PATJ: variants seen among roughly 807,000 people sequenced by gnomAD.
The protein encoded by PATJ is PATJ crumbs cell polarity complex component, also known as inaD-like protein.
A neutral mutation model predicts 224.9 loss-of-function variants in PATJ; 190 were observed. That is an observed-to-expected ratio of 0.84 (90% confidence interval 0.75 to 0.95). PATJ has a LOEUF of 0.95. Among genes scored for constraint, PATJ ranks in the 40% least tolerant of loss-of-function variants. The pLI is 0.00. For missense variants in PATJ, 2,121 were observed against 2,270.3 expected, an observed-to-expected ratio of 0.93 and a Z score of 1.34; for synonymous variants, 769 against 820.3, an observed-to-expected ratio of 0.94 and a Z score of 1.07.
intron 34 of PATJ, among the ~76,000 whole-genome samples, chr1:62,109,760 T>TTA (rs1663571873): frequency 6.6e-6 from 1 of 152,182 alleles, no homozygotes; most frequent in Admixed American, 6.5e-5. Flanking sequence ...AGTCCGCAAG[T>TTA]TATAATGGTC....
At position 61,884,287 on chromosome 1, in the gene PATJ, G is replaced by A. The variant is rs1668499207; in HGVS notation, c.3010G>A (p.Val1004Ile). Residue 1004 changes from valine (V) to isoleucine (I), a missense_variant, in exon 22 of 44, where the codon GTT becomes ATT. Val to Ile is a conservative substitution (Grantham distance 29). Transcript: ENST00000642238. ...QGPSLLIDLPVVAQRREQEDL... is the reference protein window; with the variant it reads ...QGPSLLIDLPIVAQRREQEDL... The stretch of plus-strand genomic sequence containing the variant: ...TCCTAGCTTGCTCATTGACCTTCCT[G>A]TTGTGGCTCAAAGGAGGGAGCAAGA... The A allele has an allele frequency of 6.2e-7, 1 of 1,613,388 alleles. No homozygotes were observed. Among genetic ancestry groups the A allele is most frequent in the African/African-American group, 1.3e-5 (1 of 74,840 alleles).
Position 61,994,097 on chromosome 1 carries a change from A to G in PATJ, c.3867+3733A>G, listed in dbSNP as rs190568434. On this transcript the variant is annotated intron_variant, in intron 28 of 43. Coordinates refer to ENST00000642238, the MANE Select transcript of PATJ (RefSeq NM_001350145.3). ...AATATGTTGGAATATAGATTCTGGC[A>G]TCATGTATTTTTGGCTAATTATTTA... 3.9e-5 allele frequency among the ~76,000 whole-genome samples: 6 copies of G among 152,378 alleles called. No homozygotes were observed. The East Asian group carries it at 1.2e-3, about 29-fold the overall frequency.
At chr1:61,814,474 C>T (rs1189679056) in intron 14 of PATJ, among the ~76,000 whole-genome samples, 2 of 150,720 alleles carry the variant, frequency 1.3e-5, no homozygotes, top group African/African-American at 4.9e-5. Context: ...TAGTTGTTAG[C>T]TACATATTTA....
intron 28 of PATJ, among the ~76,000 whole-genome samples, chr1:61,997,527 G>A (rs1406687490): frequency 6.6e-6 from 1 of 152,212 alleles, no homozygotes; most frequent in East Asian, 1.9e-4. Flanking sequence ...GTGTGGTTAG[G>A]GTGCTGAATA....
At chr1:62,016,735 C>A (rs528815431) in intron 28 of PATJ, among the ~76,000 whole-genome samples, 1 of 152,076 alleles carries the variant, frequency 6.6e-6, no homozygotes, top group Non-Finnish European at 1.5e-5. Context: ...TCATTGATGG[C>A]GTTCAGTAAA....
At chr1:61,813,374 TATATAC>T (rs1178078941) in intron 14 of PATJ, among the ~76,000 whole-genome samples, 113 of 71,870 alleles carry the variant, frequency 1.6e-3, no homozygotes, top group Non-Finnish European at 2.1e-3. Context: ...TATATATATA[TATATAC>T]ACACACACAC....
intron 27 of PATJ, among the ~76,000 whole-genome samples, chr1:61,953,790 A>G (rs1680055309): frequency 6.6e-6 from 1 of 152,178 alleles, no homozygotes; most frequent in African/African-American, 2.4e-5. Flanking sequence ...GATTTTAAAA[A>G]TCTATTTCTC....
intron 28 of PATJ, chr1:61,990,583 C>A (rs546965923): frequency 1.8e-4 from 73 of 411,048 alleles, no homozygotes; most frequent in African/African-American, 1.4e-3. Flanking sequence ...TTTAGAAGTT[C>A]TTCAGTAAAA....
chr1:62,034,148 G>T (rs1250179091), intron 29 of PATJ, among the ~76,000 whole-genome samples: 1 of 152,094 alleles, frequency 6.6e-6, no homozygotes, highest in African/African-American at 2.4e-5. Context: ...TAATTATATG[G>T]AAAGGAAAGT....
At chr1:61,912,005 AATAT>A (rs140063491) in intron 25 of PATJ, among the ~76,000 whole-genome samples, 1 of 148,962 alleles carries the variant, frequency 6.7e-6, no homozygotes, top group East Asian at 1.9e-4. Context: ...ATTCTATATT[AATAT>A]ATATATATTT....
intron 30 of PATJ, among the ~76,000 whole-genome samples, chr1:62,039,942 G>A (rs187450836): frequency 6.6e-6 from 1 of 151,778 alleles, no homozygotes; most frequent in African/African-American, 2.4e-5. Flanking sequence ...CTGGTTGGGG[G>A]GTGGGGGCCC....
chr1:62,073,091 A>G (rs144592814), intron 31 of PATJ: 16 of 985,388 alleles, frequency 1.6e-5, no homozygotes, highest in South Asian at 9.4e-5. Flanking sequence ...TACCCACCTG[A>G]CAATGTACAT....
At chr1:61,870,147 G>C (rs1206714289) in intron 20 of PATJ, among the ~76,000 whole-genome samples, 2 of 152,066 alleles carry the variant, frequency 1.3e-5, no homozygotes, top group African/African-American at 4.8e-5. Flanking sequence ...GGAAAAATGA[G>C]GCTGCATGAA....
chr1:61,787,136 C>T (rs1323444086), intron 7 of PATJ, among the ~76,000 whole-genome samples: 2 of 152,174 alleles, frequency 1.3e-5, no homozygotes, highest in Non-Finnish European at 2.9e-5. Flanking sequence ...GTTTCCTCTT[C>T]TGTAGTTTAT....
At chr1:62,066,237 G>A (rs980494778) in intron 31 of PATJ, among the ~76,000 whole-genome samples, 1 of 152,146 alleles carries the variant, frequency 6.6e-6, no homozygotes, top group Non-Finnish European at 1.5e-5. Context: ...TCTTATATGA[G>A]ATTGGTCTAT....
intron 31 of PATJ, among the ~76,000 whole-genome samples, chr1:62,051,510 A>G (rs574139965): frequency 9.9e-5 from 15 of 152,208 alleles, no homozygotes; most frequent in Admixed American, 2.6e-4. Flanking sequence ...TATTTTTAGT[A>G]GGGACGGGAT....
chr1:61,754,263 A>G (rs1344592595), intron 1 of PATJ, among the ~76,000 whole-genome samples: 1 of 152,224 alleles, frequency 6.6e-6, no homozygotes, highest in Non-Finnish European at 1.5e-5. Flanking sequence ...TTTCTTAACT[A>G]AACAGGTCAA....
chr1:62,020,987 G>A (rs1410885729), intron 29 of PATJ, among the ~76,000 whole-genome samples: 2 of 151,724 alleles, frequency 1.3e-5, no homozygotes, highest in Non-Finnish European at 1.5e-5. Context: ...CACCAGGCCC[G>A]GCTAGTTTTT....
chr1:62,079,470 G>A lies in PATJ; in HGVS notation c.4146G>A (p.Gln1382=), dbSNP rs1402284179. The A allele has an allele frequency of 6.2e-7, 1 of 1,612,542 alleles. No individual in the cohort carries two copies. The highest frequency in any genetic ancestry group is 8.5e-7 in the Non-Finnish European group (1 of 1,178,848). The change falls in exon 32 of 44, where the codon CAG becomes CAA. Residue 1382 remains glutamine, a synonymous_variant. Coordinates refer to ENST00000642238, the MANE Select transcript of PATJ (RefSeq NM_001350145.3). ...SFKLAVSQMK[Q]QKYPTKVSFS... is the part of the protein sequence containing the mutation. Reference sequence around the variant, plus strand: ...TGTAGGCTGTCAGCCAGATGAAACAGCAAAAATATCCAACAAAAGTCTCCT... The same window carrying A: ...TGTAGGCTGTCAGCCAGATGAAACAACAAAAATATCCAACAAAAGTCTCCT...
Sources: allele counts gnomAD v4.1 joint callset (sites outside exome capture counted in the v4.1 genomes callset), GRCh38; gene constraint gnomAD v4.1.1; transcripts MANE v1.5; gene names NCBI Gene and HGNC (gene_info 2026-07-23, HGNC 2026-07-21).